TMC7: variants seen among roughly 807,000 people sequenced by gnomAD.
TMC7 encodes transmembrane channel-like protein 7.
A neutral mutation model predicts 82.9 loss-of-function variants in TMC7; 54 were observed. That is an observed-to-expected ratio of 0.65 (90% CI 0.52 to 0.82). TMC7 has a LOEUF of 0.82. Among genes scored for constraint, TMC7 ranks in the 40% least tolerant of loss-of-function variants. TMC7 has a pLI of 0.00. For missense variants in TMC7, 820 were observed against 901.2 expected (o/e 0.91, Z 1.15); for synonymous variants, 350 against 337.9 (o/e 1.04, Z -0.39).
At chr16:19,020,857 T>C (rs1288569733) in intron 3 of TMC7, among the ~76,000 whole-genome samples, 1 of 137,170 alleles carries the variant, frequency 7.3e-6, no homozygotes, top group Non-Finnish European at 1.5e-5. Context: ...GTGTCAAAAA[T>C]AAATAAATAA....
intron 12 of TMC7, among the ~76,000 whole-genome samples, chr16:19,049,025 AT>A: frequency 6.6e-6 from 1 of 152,140 alleles, no homozygotes; most frequent in Non-Finnish European, 1.5e-5. Context: ...ACTAGATTAT[AT>A]TTTAGTTAAG....
At chr16:19,013,925 G>A (rs917451068) in intron 2 of TMC7, among the ~76,000 whole-genome samples, 2 of 146,132 alleles carry the variant, frequency 1.4e-5, no homozygotes, top group African/African-American at 5.0e-5. Context: ...ACCATCTTGG[G>A]TCACTGCAAG....
rs1369709781 is a variant in TMC7, at chr16:19,047,223, T to A, written c.1714T>A (p.Phe572Ile). ...TCTCCCTGCAATTGCAACCCTGAAA[T>A]TCATTATCATCTTCTATGTGAAAGA... ...PLLPAIATLK[F>I]IIIFYVKEWS... Residue 572 changes from phenylalanine to isoleucine, a missense_variant, in exon 12 of 16, where the codon TTC becomes ATC. By Grantham distance (21) the Phe-to-Ile change is conservative. Around this residue, in one of 2 missense-constraint regions of TMC7, gnomAD observed 170 missense variants for 231.3 expected, o/e 0.74. Transcript: ENST00000304381. 1 of 1,613,730 alleles carries A rather than the reference T, an allele frequency of 6.2e-7. No homozygotes were observed. Among genetic ancestry groups the A allele is most frequent in the Non-Finnish European group, 8.5e-7 (1 of 1,179,986 alleles).
At chr16:19,049,520 T>C (rs909367116) in intron 12 of TMC7, 65 of 599,334 alleles carry the variant, frequency 1.1e-4, no homozygotes, top group South Asian at 6.6e-4. Flanking sequence ...AATGTTCTGA[T>C]GCTTTCACTT....
intron 1 of TMC7, among the ~76,000 whole-genome samples, chr16:18,986,760 C>T (rs2038857297): frequency 6.6e-6 from 1 of 152,124 alleles, no homozygotes; most frequent in African/African-American, 2.4e-5. Flanking sequence ...GTTTCTGCCT[C>T]AGGGTCTTTG....
At chr16:18,987,182 A>G (rs1406393370) in intron 1 of TMC7, among the ~76,000 whole-genome samples, 3 of 152,130 alleles carry the variant, frequency 2.0e-5, no homozygotes, top group Non-Finnish European at 4.4e-5. Flanking sequence ...GGGGCGGTCT[A>G]TCTGAGGCAA....
chr16:19,005,745 C>T (rs2039228169), intron 1 of TMC7, among the ~76,000 whole-genome samples: 1 of 152,182 alleles, frequency 6.6e-6, no homozygotes, highest in South Asian at 2.1e-4. Flanking sequence ...AGGGTAGCCT[C>T]CATGCAGGGC....
chr16:19,012,716 G>A (rs1329321277), intron 2 of TMC7, among the ~76,000 whole-genome samples: 1 of 125,294 alleles, frequency 8.0e-6, no homozygotes, highest in Non-Finnish European at 1.6e-5. Flanking sequence ...TTGAACCCAG[G>A]AGGCGGAGGT....
At chr16:19,018,712 G>C (rs1959824638) in intron 3 of TMC7, among the ~76,000 whole-genome samples, 1 of 152,014 alleles carries the variant, frequency 6.6e-6, no homozygotes, top group African/African-American at 2.4e-5. Flanking sequence ...GAGGCAGGAG[G>C]ATCACTTGAG....
chr16:19,029,151 G>A lies in TMC7; in HGVS notation c.712-1073G>A, dbSNP rs1012018450. Reference sequence around the variant, plus strand: ...CTCCCGAGTAGCTGGGACTACAGGCGCCCGCCACCACACCCGGCTAATTTT... The same window carrying A: ...CTCCCGAGTAGCTGGGACTACAGGCACCCGCCACCACACCCGGCTAATTTT... On this transcript the variant is annotated intron_variant, in intron 5 of 15. Transcript: ENST00000304381. Among the ~76,000 whole-genome samples the A allele has an allele frequency of 6.6e-5, 10 of 150,614 alleles. No homozygotes were observed. In the East Asian group the frequency reaches 1.0e-3, roughly 15 times the overall value.
chr16:19,047,641 C>T lies in TMC7; in HGVS notation c.1740+392C>T, dbSNP rs138673018. ...TGAACTTGTGACCTCATGATCCACC[C>T]GCCTCGGCCTCCTAAAGTGTTGGGA... On this transcript the variant is annotated intron_variant, in intron 12 of 15. Coordinates refer to ENST00000304381, the MANE Select transcript of TMC7 (RefSeq NM_024847.4). Among the ~76,000 whole-genome samples, 460 of 151,312 alleles carry T rather than the reference C, an allele frequency of 3.0e-3. 4 individuals carry two copies. Among genetic ancestry groups the T allele is most frequent in the African/African-American group, 0.011 (434 of 41,246 alleles).
At chr16:19,030,917 A>C (rs533795501) in intron 6 of TMC7, among the ~76,000 whole-genome samples, 1 of 151,906 alleles carries the variant, frequency 6.6e-6, no homozygotes, top group East Asian at 1.9e-4. Context: ...TGGCAATCCC[A>C]CCCCACTGCA....
At chr16:19,018,560 G>A (rs1372914894) in intron 3 of TMC7, among the ~76,000 whole-genome samples, 2 of 152,086 alleles carry the variant, frequency 1.3e-5, no homozygotes, top group Non-Finnish European at 2.9e-5. Flanking sequence ...ATGACACTGG[G>A]TGTTAGGGCT....
intron 1 of TMC7, among the ~76,000 whole-genome samples, chr16:18,985,345 C>T (rs1463461753): frequency 6.6e-6 from 1 of 151,488 alleles, no homozygotes; most frequent in African/African-American, 2.4e-5. Flanking sequence ...TTCCCAATGT[C>T]CAGAAGAAAA....
At chr16:19,059,559 T>C (rs1012763406) in intron 15 of TMC7, 65 bp downstream of exon 15, 11 of 1,613,884 alleles carry the variant, frequency 6.8e-6, no homozygotes, top group East Asian at 2.2e-5. Context: ...GCAAGGAAAG[T>C]GCTGTTTTCC....
At chr16:19,057,559 T>C (rs895931395) in intron 14 of TMC7, among the ~76,000 whole-genome samples, 4 of 152,234 alleles carry the variant, frequency 2.6e-5, no homozygotes, top group South Asian at 2.1e-4. Context: ...ATTAATACAA[T>C]GACTTGGGGG....
At chr16:19,057,683 A>T (rs998643465) in intron 14 of TMC7, among the ~76,000 whole-genome samples, 6 of 152,244 alleles carry the variant, frequency 3.9e-5, no homozygotes, top group African/African-American at 2.4e-5. Context: ...CACTTCTCTG[A>T]TCTGACTTAA....
At chr16:19,044,104 G>A (rs1224141908) in intron 9 of TMC7, among the ~76,000 whole-genome samples, 1 of 149,318 alleles carries the variant, frequency 6.7e-6, no homozygotes, top group Non-Finnish European at 1.5e-5. Context: ...CTGACCTCAG[G>A]TGATCCCTCT....
chr16:19,020,891 A>AATAAATAAATGC (rs1424288105), intron 3 of TMC7, among the ~76,000 whole-genome samples: 32 of 151,648 alleles, frequency 2.1e-4, no homozygotes, highest in African/African-American at 7.5e-4. Flanking sequence ...TAAATAAATA[A>AATAAATAAATGC]AAGCCAGATA....
Sources: allele counts gnomAD v4.1 joint callset (sites outside exome capture counted in the v4.1 genomes callset), GRCh38; gene constraint gnomAD v4.1.1; regional missense constraint gnomAD v4.1.1; transcripts MANE v1.5; gene names NCBI Gene and HGNC (gene_info 2026-07-23, HGNC 2026-07-21).